TACR1: variants seen among roughly 807,000 people sequenced by gnomAD.
TACR1 encodes the protein substance-P receptor.
A neutral mutation model predicts 35.8 loss-of-function variants in TACR1; 25 were observed. That is an observed-to-expected ratio of 0.70 (90% CI 0.51 to 0.98). The LOEUF is 0.98. Ranked by LOEUF, TACR1 falls within the 50% of genes least tolerant of loss-of-function variation. The probability of loss-of-function intolerance (pLI) is 0.00; values close to 1 mark genes in which losing one functional copy is unlikely to be tolerated. For missense variants in TACR1, 478 were observed against 522.9 expected, an observed-to-expected ratio of 0.91 and a Z score of 0.84; for synonymous variants, 195 against 206.7, an observed-to-expected ratio of 0.94 and a Z score of 0.48.
chr2:75,161,919 T>C (rs1308702084), intron 1 of TACR1, among the ~76,000 whole-genome samples: 1 of 151,680 alleles, frequency 6.6e-6, no homozygotes, highest in Non-Finnish European at 1.5e-5. Context: ...GAGAAACAGA[T>C]GGGCAATATT....
intron 2 of TACR1, among the ~76,000 whole-genome samples, chr2:75,083,868 G>T (rs1001936360): frequency 6.6e-6 from 1 of 152,142 alleles, no homozygotes; most frequent in African/African-American, 2.4e-5. Flanking sequence ...CATGTCATCT[G>T]CAAACAGGGA....
chr2:75,094,653 A>G lies in TACR1; in HGVS notation c.584+25921T>C, dbSNP rs897347802. ...GGACATGATGGTGGTGGTGATGATG[A>G]TGGTGGTGATAGAGGTGGAGGTGGT... is the stretch of plus-strand genomic sequence containing the variant. On this transcript the variant is annotated intron_variant, in intron 2 of 4. Transcript: ENST00000305249. Among the ~76,000 whole-genome samples the G allele has an allele frequency of 2.6e-5, 4 of 151,382 alleles. No homozygotes were observed. The East Asian group carries it at 5.8e-4, about 22-fold the overall frequency.
chr2:75,146,258 G>C (rs1458349118), intron 1 of TACR1, among the ~76,000 whole-genome samples: 1 of 152,088 alleles, frequency 6.6e-6, no homozygotes, highest in Non-Finnish European at 1.5e-5. Flanking sequence ...GAGTAGCTGG[G>C]ATTACAGGCA....
chr2:75,149,517 C>A (rs908835772), intron 1 of TACR1, among the ~76,000 whole-genome samples: 12 of 152,102 alleles, frequency 7.9e-5, no homozygotes, highest in Admixed American at 7.9e-4. Context: ...AATGGGAGTT[C>A]ACTCATGATT....
At chr2:75,164,183 C>G (rs1311735643) in intron 1 of TACR1, among the ~76,000 whole-genome samples, 1 of 151,766 alleles carries the variant, frequency 6.6e-6, no homozygotes, top group African/African-American at 2.4e-5. Context: ...AAATATTAGC[C>G]AGGCGTGGTG....
chr2:75,196,960 T>C (rs748590572), intron 1 of TACR1, among the ~76,000 whole-genome samples: 13 of 152,236 alleles, frequency 8.5e-5, no homozygotes, highest in East Asian at 5.8e-4. Context: ...CTATCGACTT[T>C]TTTAAGTTTA....
At chr2:75,141,138 T>TC (rs1288792872) in intron 1 of TACR1, among the ~76,000 whole-genome samples, 1 of 152,166 alleles carries the variant, frequency 6.6e-6, no homozygotes, top group East Asian at 1.9e-4. Context: ...TCTCTTCCTC[T>TC]CTTATCTCCC....
chr2:75,179,600 G>C (rs1342430847), intron 1 of TACR1, among the ~76,000 whole-genome samples: 2 of 152,192 alleles, frequency 1.3e-5, no homozygotes, highest in Non-Finnish European at 2.9e-5. Flanking sequence ...ACATTTTCCA[G>C]AGCCCTTGAA....
In TACR1 at chr2:75,198,790, C is replaced by G. The variant is rs142157446; in HGVS notation, c.145G>C (p.Gly49Arg). Residue 49 changes from glycine (G) to arginine (R), a missense_variant, in exon 1 of 5, where the codon GGC (glycine) becomes CGC (arginine). Physicochemically the swap from Gly to Arg is moderately radical, Grantham distance 125. Transcript: ENST00000305249. ...ATGATCCACATCACTACCACGTTGC[C>G]CACCACAGAGGTCACCACAATGACC... The part of the protein sequence containing the change: ...YTVIVVTSVV[G>R]NVVVMWIILA... The G allele has an allele frequency of 2.5e-6, 4 of 1,614,186 alleles. No individual in the cohort carries two copies. Among genetic ancestry groups the G allele is most frequent in the Non-Finnish European group, 3.4e-6 (4 of 1,180,040 alleles).
chr2:75,180,501 G>A (rs1675536372), intron 1 of TACR1, among the ~76,000 whole-genome samples: 1 of 152,204 alleles, frequency 6.6e-6, no homozygotes, highest in Non-Finnish European at 1.5e-5. Flanking sequence ...GGAGGTATTA[G>A]ATGTGACACA....
intron 2 of TACR1, among the ~76,000 whole-genome samples, chr2:75,084,662 G>A (rs1673157961): frequency 6.6e-6 from 1 of 152,176 alleles, no homozygotes; most frequent in Admixed American, 6.5e-5. Context: ...TTGGGAGGGT[G>A]TATGTGTCGA....
chr2:75,052,013 G>A lies in TACR1; in HGVS notation c.736-566C>T, dbSNP rs557660505. ...GACTGAAGGGGAGGGAAGGAGAAGG[G>A]AAAAGATTTGACTAGCTGCAGTCAG... On this transcript the variant is annotated intron_variant, in intron 3 of 4. Coordinates refer to ENST00000305249, the MANE Select transcript of TACR1 (RefSeq NM_001058.4). Among the ~76,000 whole-genome samples, 348 of 152,218 alleles carry A rather than the reference G, an allele frequency of 2.3e-3. 2 individuals are homozygous for A. The highest frequency in any genetic ancestry group is 4.2e-3 in the Non-Finnish European group (283 of 68,012).
At chr2:75,147,995 C>T (rs1558569153) in intron 1 of TACR1, among the ~76,000 whole-genome samples, 2 of 152,242 alleles carry the variant, frequency 1.3e-5, no homozygotes, top group East Asian at 3.9e-4. Context: ...ATCCACCCAT[C>T]TCGGCCTCCC....
At chr2:75,150,070 C>A (rs1013420734) in intron 1 of TACR1, among the ~76,000 whole-genome samples, 1 of 152,120 alleles carries the variant, frequency 6.6e-6, no homozygotes, top group Non-Finnish European at 1.5e-5. Flanking sequence ...GTTGAACCAG[C>A]CTTGCATCCC....
intron 4 of TACR1, 194 bp downstream of exon 4, chr2:75,051,057 C>T: frequency 1.5e-6 from 1 of 655,856 alleles, no homozygotes; most frequent in South Asian, 2.0e-5. Context: ...AAAAGAAAAT[C>T]AGTCCACTCC....
rs376191605 is a variant in TACR1, at chr2:75,194,467, C to A, written c.389+4079G>T. Among the ~76,000 whole-genome samples, 14 of 152,262 alleles carry A rather than the reference C, an allele frequency of 9.2e-5. No individual in the cohort carries two copies. In the East Asian group the frequency reaches 2.1e-3, roughly 23 times the overall value. On this transcript the variant is annotated intron_variant, in intron 1 of 4. Transcript: ENST00000305249. ...TGAGGGAAGACTGCTCTGAGATAAA[C>A]AATGAGATTGCAGTTCAACCAACAA...
intron 1 of TACR1, among the ~76,000 whole-genome samples, chr2:75,125,357 T>C (rs1472207882): frequency 6.6e-6 from 1 of 152,058 alleles, no homozygotes; most frequent in Admixed American, 6.6e-5. Context: ...CTAATTTTTT[T>C]GCATTTTTAG....
At chr2:75,131,947 G>T (rs1199698095) in intron 1 of TACR1, among the ~76,000 whole-genome samples, 1 of 151,988 alleles carries the variant, frequency 6.6e-6, no homozygotes, top group Non-Finnish European at 1.5e-5. Context: ...GAAGCTTTTG[G>T]CAAGTTGCAA....
intron 1 of TACR1, among the ~76,000 whole-genome samples, chr2:75,197,336 A>T (rs1389024216): frequency 6.6e-6 from 1 of 152,248 alleles, no homozygotes; most frequent in Non-Finnish European, 1.5e-5. Context: ...TTTGCAAGTT[A>T]TAAACAATCT....
Sources: gnomAD v4.1 joint callset for allele counts (sites outside exome capture counted in the v4.1 genomes callset) on GRCh38, gnomAD v4.1.1 for gene constraint, MANE v1.5 for transcripts, NCBI Gene and HGNC (gene_info 2026-07-23, HGNC 2026-07-21) for gene names.